NRXN3: variants seen among roughly 807,000 people sequenced by gnomAD.
NRXN3 encodes neurexin 3.
NRXN3 carries 32 observed loss-of-function variants against 137.6 expected under a neutral mutation model. The observed-to-expected ratio is 0.23, with a 90% CI of 0.18 to 0.31. NRXN3 has a LOEUF of 0.31. Among genes scored for constraint, NRXN3 ranks in the 10% least tolerant of loss-of-function variants. The pLI is 1.00. For missense variants in NRXN3, 1,574 were observed against 2,062.5 expected (o/e 0.76, Z 4.59); for synonymous variants, 798 against 784.5 (o/e 1.02, Z -0.29).
intron 15 of NRXN3, among the ~76,000 whole-genome samples, chr14:79,076,257 G>A (rs151192327): frequency 6.6e-6 from 1 of 152,208 alleles, no homozygotes; most frequent in African/African-American, 2.4e-5. Context: ...TGTTATATTA[G>A]TTCTCTATTG....
intron 3 of NRXN3, among the ~76,000 whole-genome samples, chr14:78,286,366 C>A (rs78154557): frequency 0.015 from 2,325 of 152,130 alleles, 59 homozygotes; most frequent in African/African-American, 0.053. Flanking sequence ...CTATTCTAGA[C>A]CAGTTCCCTC....
intron 15 of NRXN3, among the ~76,000 whole-genome samples, chr14:79,094,979 A>AGAGAGAGT (rs553957969): frequency 1.0e-4 from 12 of 115,926 alleles, no homozygotes; most frequent in Admixed American, 4.5e-4. Context: ...AGAGAGAGAG[A>AGAGAGAGT]GTGTGTGTGT....
At chr14:79,818,701 C>G (rs576213083) in intron 20 of NRXN3, among the ~76,000 whole-genome samples, 1 of 152,300 alleles carries the variant, frequency 6.6e-6, no homozygotes, top group Non-Finnish European at 1.5e-5. Context: ...GCATCCAAAA[C>G]TATTTTAAAA....
At chr14:78,631,661 A>G (rs1409085821) in intron 4 of NRXN3, among the ~76,000 whole-genome samples, 1 of 152,232 alleles carries the variant, frequency 6.6e-6, no homozygotes, top group Non-Finnish European at 1.5e-5. Context: ...CAAATCAACT[A>G]ACCATTTCCC....
chr14:78,840,441 T>C (rs1287923508), intron 10 of NRXN3, among the ~76,000 whole-genome samples: 1 of 152,156 alleles, frequency 6.6e-6, no homozygotes, highest in African/African-American at 2.4e-5. Flanking sequence ...AAGTTAAAAG[T>C]CAAAACAAAT....
At chr14:79,751,113 C>G (rs1336358547) in intron 19 of NRXN3, among the ~76,000 whole-genome samples, 1 of 152,034 alleles carries the variant, frequency 6.6e-6, no homozygotes, top group Non-Finnish European at 1.5e-5. Context: ...TGAAGAAAGT[C>G]ATTGGTAGCT....
intron 4 of NRXN3, among the ~76,000 whole-genome samples, chr14:78,550,946 G>A (rs1216320307): frequency 1.3e-5 from 2 of 152,180 alleles, no homozygotes; most frequent in Non-Finnish European, 2.9e-5. Context: ...CCGATTGGTT[G>A]GGTTCAAACT....
intron 16 of NRXN3, among the ~76,000 whole-genome samples, chr14:79,506,807 A>G (rs898214216): frequency 1.1e-4 from 17 of 152,092 alleles, no homozygotes; most frequent in African/African-American, 4.1e-4. Context: ...GACATATTCA[A>G]TTTGCTTTAG....
Position 79,626,738 on chromosome 14 carries a change from T to C in NRXN3, c.3445-37040T>C, listed in dbSNP as rs373745329. On this transcript the variant is annotated intron_variant, in intron 16 of 20. Coordinates refer to ENST00000335750, the MANE Select transcript of NRXN3 (RefSeq NM_001330195.2). The stretch of plus-strand genomic sequence containing the variant: ...GAACTAGCCACTTGCCTTGAGGGTT[T>C]ACAAATTCAAGATTTCTCAGCACGA... Among the ~76,000 whole-genome samples the C allele has an allele frequency of 7.2e-5, 11 of 152,240 alleles. 1 individual carries two copies. The East Asian group carries it at 1.2e-3, about 16-fold the overall frequency.
In NRXN3 at chr14:79,388,362, C is replaced by T. The variant is rs191202583; in HGVS notation, c.3263-78859C>T. Among the ~76,000 whole-genome samples the T allele has an allele frequency of 1.5e-3, 224 of 152,144 alleles. 3 individuals carry two copies. The highest frequency in any genetic ancestry group is 7.7e-3 in the South Asian group (37 of 4,818). ...ATAGCAATGCAAGAATGGCCTAACACAGTGGCTTTTTTTTTCTTTTAAGTA... is the reference window on the plus strand; with the variant it reads ...ATAGCAATGCAAGAATGGCCTAACATAGTGGCTTTTTTTTTCTTTTAAGTA... On this transcript the variant is annotated intron_variant, in intron 15 of 20. Coordinates refer to ENST00000335750, the MANE Select transcript of NRXN3 (RefSeq NM_001330195.2).
chr14:78,304,263 A>G (rs1489653656), intron 4 of NRXN3, among the ~76,000 whole-genome samples: 1 of 152,174 alleles, frequency 6.6e-6, no homozygotes, highest in African/African-American at 2.4e-5. Flanking sequence ...ATTACACCAG[A>G]ATAAACGTGG....
chr14:78,310,242 G>T (rs1344361956), intron 4 of NRXN3, among the ~76,000 whole-genome samples: 1 of 145,724 alleles, frequency 6.9e-6, no homozygotes, highest in African/African-American at 2.5e-5. Context: ...TTCATCCTGA[G>T]AGTCTGGTTA....
chr14:78,372,191 T>C (rs759211552), intron 4 of NRXN3, among the ~76,000 whole-genome samples: 1 of 152,022 alleles, frequency 6.6e-6, no homozygotes, highest in East Asian at 1.9e-4. Flanking sequence ...ACCAGAACTA[T>C]GTATTTTTTC....
At chr14:79,299,279 TAG>T (rs1292716581) in intron 15 of NRXN3, among the ~76,000 whole-genome samples, 1 of 152,092 alleles carries the variant, frequency 6.6e-6, no homozygotes, top group African/African-American at 2.4e-5. Context: ...CACAGCCATG[TAG>T]AGGACGAAAT....
intron 1 of NRXN3, among the ~76,000 whole-genome samples, chr14:78,192,065 A>AGTGTGT (rs34445474): frequency 2.7e-4 from 38 of 142,962 alleles, no homozygotes; most frequent in South Asian, 2.0e-3. Flanking sequence ...GCTGCCCGAA[A>AGTGTGT]GTGTGTGTGT....
intron 1 of NRXN3, among the ~76,000 whole-genome samples, chr14:78,175,076 C>T (rs1410334890): frequency 2.0e-5 from 3 of 152,324 alleles, no homozygotes; most frequent in Admixed American, 6.5e-5. Context: ...CCCCTGTTTT[C>T]TCCTGGGCTC....
chr14:79,498,150 T>G (rs1189122896), intron 16 of NRXN3, among the ~76,000 whole-genome samples: 1 of 152,170 alleles, frequency 6.6e-6, no homozygotes, highest in Non-Finnish European at 1.5e-5. Context: ...TTACCAAGTT[T>G]CCTATAATGA....
intron 15 of NRXN3, among the ~76,000 whole-genome samples, chr14:79,069,933 A>G (rs1014472953): frequency 6.7e-6 from 1 of 148,178 alleles, no homozygotes; most frequent in African/African-American, 2.5e-5. Flanking sequence ...AAGCAATATG[A>G]TAATTTGTAA....
intron 15 of NRXN3, among the ~76,000 whole-genome samples, chr14:79,081,466 C>T (rs4903825): frequency 0.33 from 49,949 of 151,800 alleles, 8,740 homozygotes; most frequent in Admixed American, 0.47. Flanking sequence ...TACAAAAAAG[C>T]AGCCAGGTGT....
Sources: allele counts gnomAD v4.1 joint callset (sites outside exome capture counted in the v4.1 genomes callset), GRCh38; gene constraint gnomAD v4.1.1; transcripts MANE v1.5; gene names NCBI Gene and HGNC (gene_info 2026-07-23, HGNC 2026-07-21).